Variants in ARID5B observed in about 807,000 individuals in gnomAD.
ARID5B encodes AT-rich interaction domain 5B.
A neutral mutation model predicts 97.2 loss-of-function variants in ARID5B; 13 were observed. The ratio of observed to expected loss-of-function variants is 0.13; its 90% CI spans 0.09 to 0.21. ARID5B has a LOEUF of 0.21. Ranked by LOEUF, ARID5B falls within the 10% of genes least tolerant of loss-of-function variation. The pLI is 1.00. For missense variants in ARID5B, 1,210 were observed against 1,465.3 expected, an observed-to-expected ratio of 0.83 and a Z score of 2.84; for synonymous variants, 556 against 570.3, an observed-to-expected ratio of 0.97 and a Z score of 0.36.
intron 4 of ARID5B, among the ~76,000 whole-genome samples, chr10:62,011,840 T>A (rs954012256): frequency 6.6e-6 from 1 of 152,176 alleles, no homozygotes; most frequent in African/African-American, 2.4e-5. Flanking sequence ...GGGCACCAGC[T>A]ACTCGGCCTT....
intron 2 of ARID5B, among the ~76,000 whole-genome samples, chr10:61,927,229 C>T (rs1844123010): frequency 6.6e-6 from 1 of 152,080 alleles, no homozygotes; most frequent in African/African-American, 2.4e-5. Context: ...CTGTGTTGAC[C>T]ATTGTATTGT....
rs1222517772 is a variant in ARID5B, at chr10:62,085,938, C to T, written c.1398+38C>T. 4 of 1,588,466 alleles carry T rather than the reference C, an allele frequency of 2.5e-6. No individual in the cohort carries two copies. In the African/African-American group the frequency reaches 5.4e-5, roughly 22 times the overall value. Reference sequence around the variant, plus strand: ...GCTCCATAGAAATACCTCTGGAAGACATGTGCTGCCTCGAGGTCCTTCTGG... The same window carrying T: ...GCTCCATAGAAATACCTCTGGAAGATATGTGCTGCCTCGAGGTCCTTCTGG... On this transcript the variant is annotated intron_variant, in intron 9 of 9. Transcript: ENST00000279873.
intron 2 of ARID5B, among the ~76,000 whole-genome samples, chr10:61,928,575 G>A (rs749562984): frequency 4.6e-5 from 7 of 152,130 alleles, no homozygotes; most frequent in Non-Finnish European, 8.8e-5. Context: ...TTACAGGCAT[G>A]AGCCACCGTA....
chr10:62,003,736 C>G (rs566666871), intron 4 of ARID5B, among the ~76,000 whole-genome samples: 4 of 152,156 alleles, frequency 2.6e-5, no homozygotes, highest in Non-Finnish European at 5.9e-5. Context: ...TGAGTTTTCT[C>G]TGTGTGCCGT....
intron 3 of ARID5B, among the ~76,000 whole-genome samples, chr10:61,998,163 T>A (rs540490438): frequency 6.6e-6 from 1 of 152,316 alleles, no homozygotes; most frequent in East Asian, 1.9e-4. Context: ...TAAGTGAACA[T>A]AATTAGAAAT....
rs917887690 is a variant in ARID5B, at chr10:62,095,392, C to T, written c.*2362C>T. ...GTCTCAAAAAAAAAAGGAGGGGGGG[C>T]ATCTGTCCCCGGTGGAGCTCACCTA... On this transcript the variant is annotated 3_prime_UTR_variant, in exon 10 of 10. Transcript: ENST00000279873. 3 of 232,364 alleles carry T rather than the reference C, an allele frequency of 1.3e-5. No individual in the cohort carries two copies. Among genetic ancestry groups the T allele is most frequent in the Non-Finnish European group, 2.5e-5 (3 of 117,888 alleles). 14.4% of individuals were successfully genotyped at this position (232,364 alleles called of 1,614,324 possible). A position where few individuals can be genotyped will look rare whatever the true frequency, so the allele number is the denominator to read the frequency against.
At chr10:61,937,486 G>A (rs1416861340) in intron 2 of ARID5B, among the ~76,000 whole-genome samples, 4 of 152,134 alleles carry the variant, frequency 2.6e-5, no homozygotes, top group Admixed American at 1.3e-4. Context: ...AAACAATGAC[G>A]AAAGGGGATA....
At chr10:62,050,182 A>G (rs2132930381) in intron 4 of ARID5B, among the ~76,000 whole-genome samples, 1 of 152,348 alleles carries the variant, frequency 6.6e-6, no homozygotes, top group East Asian at 1.9e-4. Flanking sequence ...GGCTAACCCC[A>G]GTGTAATCTT....
At chr10:62,045,964 T>A (rs2393744) in intron 4 of ARID5B, among the ~76,000 whole-genome samples, 6,700 of 152,208 alleles carry the variant, frequency 0.044, 189 homozygotes, top group Middle Eastern at 0.085. Flanking sequence ...ACCTCGGGGG[T>A]CAAACTCTTA....
At chr10:62,019,132 C>T (rs1839321674) in intron 4 of ARID5B, among the ~76,000 whole-genome samples, 1 of 152,080 alleles carries the variant, frequency 6.6e-6, no homozygotes, top group Non-Finnish European at 1.5e-5. Context: ...TGAATAAGAA[C>T]CTTGCAGCTA....
chr10:61,967,760 C>G (rs1229009930), intron 3 of ARID5B, among the ~76,000 whole-genome samples: 1 of 152,136 alleles, frequency 6.6e-6, no homozygotes, highest in South Asian at 2.1e-4. Context: ...GTTAATGTCT[C>G]TCTTATGTGT....
chr10:61,970,521 T>A (rs1838611240), intron 3 of ARID5B, among the ~76,000 whole-genome samples: 1 of 152,220 alleles, frequency 6.6e-6, no homozygotes, highest in Admixed American at 6.5e-5. Context: ...ATTTCATGCC[T>A]GAGAATTTAC....
At chr10:62,083,713 A>G (rs370522430) in intron 8 of ARID5B, among the ~76,000 whole-genome samples, 60 of 152,324 alleles carry the variant, frequency 3.9e-4, no homozygotes, top group African/African-American at 1.3e-3. Context: ...CAACAATAAA[A>G]TATGTTTCCA....
At chr10:61,957,307 C>T (rs1372872817) in intron 3 of ARID5B, among the ~76,000 whole-genome samples, 3 of 152,062 alleles carry the variant, frequency 2.0e-5, no homozygotes, top group East Asian at 1.9e-4. Flanking sequence ...TTCTCTCTGT[C>T]GCCCAGGCTG....
Position 62,019,242 on chromosome 10 carries a change from A to G in ARID5B, c.733+18921A>G, listed in dbSNP as rs150288719. 9.5e-4 allele frequency among the ~76,000 whole-genome samples: 144 copies of G among 152,340 alleles called. 1 individual carries two copies. The highest frequency in any genetic ancestry group is 3.3e-3 in the African/African-American group (139 of 41,588). ...TTCTGATTAAACCCACTCAAAAAAG[A>G]CAACATTGTAATATTTTCCAATGAC... On this transcript the variant is annotated intron_variant, in intron 4 of 9. Transcript: ENST00000279873.
At chr10:62,086,592 T>C (rs1180681718) in intron 9 of ARID5B, among the ~76,000 whole-genome samples, 1 of 149,950 alleles carries the variant, frequency 6.7e-6, no homozygotes, top group Admixed American at 6.7e-5. Context: ...TCCCGGCTAC[T>C]TGGGAGGCCA....
intron 3 of ARID5B, among the ~76,000 whole-genome samples, chr10:61,964,988 G>T (rs1838522661): frequency 6.6e-6 from 1 of 152,244 alleles, no homozygotes; most frequent in Non-Finnish European, 1.5e-5. Flanking sequence ...TATAAGCCTA[G>T]ATATACTTTA....
chr10:62,089,207 G>A (rs192636463), intron 9 of ARID5B, among the ~76,000 whole-genome samples: 1 of 152,192 alleles, frequency 6.6e-6, no homozygotes, highest in East Asian at 1.9e-4. Context: ...GATTATTAAT[G>A]TAGAAGAAGT....
intron 8 of ARID5B, among the ~76,000 whole-genome samples, chr10:62,081,023 G>C (rs1360108920): frequency 6.6e-6 from 1 of 151,914 alleles, no homozygotes; most frequent in African/African-American, 2.4e-5. Flanking sequence ...GGCTGGTCTC[G>C]AACTCCTGAC....
Sources: allele counts gnomAD v4.1 joint callset (sites outside exome capture counted in the v4.1 genomes callset), GRCh38; gene constraint gnomAD v4.1.1; transcripts MANE v1.5; gene names NCBI Gene and HGNC (gene_info 2026-07-23, HGNC 2026-07-21).